The following PDE1A variants were observed in gnomAD, a reference collection of about 807,000 sequenced individuals.
PDE1A encodes the protein phosphodiesterase 1A.
A neutral mutation model predicts 61.7 loss-of-function variants in PDE1A; 35 were observed. The ratio of observed to expected loss-of-function variants is 0.57; its 90% confidence interval spans 0.43 to 0.75. The LOEUF is 0.75. Ranked by LOEUF, PDE1A falls within the 30% of genes least tolerant of loss-of-function variation. The pLI, the probability that PDE1A is intolerant of heterozygous loss-of-function variation, is 0.00. For missense variants in PDE1A, 597 were observed against 630.6 expected (o/e 0.95, Z 0.57); for synonymous variants, 232 against 213.2 (o/e 1.09, Z -0.77).
At chr2:182,469,612 C>A (rs940843632) in intron 2 of PDE1A, among the ~76,000 whole-genome samples, 3 of 151,940 alleles carry the variant, frequency 2.0e-5, no homozygotes, top group Non-Finnish European at 2.9e-5. Flanking sequence ...TTTTAATTTT[C>A]ATCAATACTT....
Position 182,209,497 on chromosome 2 carries a change from G to A in PDE1A, c.777-3432C>T, listed in dbSNP as rs182841190. ...TACAATTCAACATGAGATTTGGGTG[G>A]GGGACACAGAGCCAAGCATATTATT... On this transcript the variant is annotated intron_variant, in intron 7 of 13. Transcript: ENST00000351439. Among the ~76,000 whole-genome samples the A allele has an allele frequency of 3.7e-3, 554 of 151,052 alleles. 9 individuals are homozygous for A. The highest frequency in any genetic ancestry group is 0.013 in the African/African-American group (537 of 41,266).
chr2:182,701,098 G>T, the PDE1A span, among the ~76,000 whole-genome samples: 2 of 149,376 alleles, frequency 1.3e-5, no homozygotes, highest in Admixed American at 1.3e-4. Flanking sequence ...GCAGTGGCGC[G>T]ATCTCAGCTC....
chr2:182,538,868 G>A, the PDE1A span, among the ~76,000 whole-genome samples: 19 of 152,188 alleles, frequency 1.2e-4, no homozygotes, highest in African/African-American at 4.3e-4. Flanking sequence ...TAAGCCTACA[G>A]TAGTAATGAG....
chr2:182,716,488 G>T, the PDE1A span: 8 of 152,674 alleles, frequency 5.2e-5, no homozygotes, highest in East Asian at 1.2e-3. Flanking sequence ...GGCAAGGTGG[G>T]CATGGGCCCG....
chr2:182,601,787 C>A, the PDE1A span, among the ~76,000 whole-genome samples: 4 of 152,184 alleles, frequency 2.6e-5, no homozygotes, highest in Non-Finnish European at 2.9e-5. Context: ...AGAGTAGAGA[C>A]CCTGGAGTGG....
chr2:182,168,457 A>G (rs753973067), intron 13 of PDE1A, among the ~76,000 whole-genome samples: 2 of 152,134 alleles, frequency 1.3e-5, no homozygotes, highest in Non-Finnish European at 2.9e-5. Flanking sequence ...TTTTTAATAT[A>G]CTTTGCTTTT....
chr2:182,599,348 A>T, the PDE1A span, among the ~76,000 whole-genome samples: 3 of 152,134 alleles, frequency 2.0e-5, no homozygotes, highest in African/African-American at 7.2e-5. Flanking sequence ...GCCTTAGGGT[A>T]GTCTTTTTCT....
the PDE1A span, among the ~76,000 whole-genome samples, chr2:182,631,429 A>G: frequency 2.0e-5 from 3 of 152,192 alleles, no homozygotes; most frequent in African/African-American, 7.2e-5. Flanking sequence ...ATCTCGCATT[A>G]GGTAATCAGG....
intron 2 of PDE1A, among the ~76,000 whole-genome samples, chr2:182,441,198 GGT>G (rs1192945875): frequency 6.6e-6 from 1 of 151,884 alleles, no homozygotes; most frequent in Non-Finnish European, 1.5e-5. Flanking sequence ...GAACTGTATG[GGT>G]GAAACCACCC....
downstream of PDE1A, among the ~76,000 whole-genome samples, chr2:182,146,852 A>G (rs1690522835): frequency 6.6e-6 from 1 of 152,206 alleles, no homozygotes; most frequent in Non-Finnish European, 1.5e-5. Context: ...TGATTAACAA[A>G]TTAAGAACTA....
intron 1 of PDE1A, among the ~76,000 whole-genome samples, chr2:182,348,836 C>T (rs922548863): frequency 2.0e-5 from 3 of 151,596 alleles, no homozygotes; most frequent in Non-Finnish European, 2.9e-5. Flanking sequence ...TCAAATTGTT[C>T]TGTACTTTCC....
At chr2:182,552,442 T>G in the PDE1A span, among the ~76,000 whole-genome samples, 3 of 144,772 alleles carry the variant, frequency 2.1e-5, no homozygotes, top group Non-Finnish European at 4.6e-5. Flanking sequence ...ACACAAAGTT[T>G]TTTTTTTTTT....
chr2:182,218,060 A>G (rs1206434785), intron 7 of PDE1A, among the ~76,000 whole-genome samples: 1 of 149,048 alleles, frequency 6.7e-6, no homozygotes, highest in East Asian at 2.0e-4. Context: ...AAAATGTGGC[A>G]CATATACACC....
chr2:182,167,979 C>T (rs1691750651), exon 14 of PDE1A: 2 of 1,197,400 alleles, frequency 1.7e-6, no homozygotes, highest in South Asian at 4.3e-5. Context: ...AAGACAAATG[C>T]CACAAAATGC....
chr2:182,396,090 T>C (rs1200571522), intron 1 of PDE1A, among the ~76,000 whole-genome samples: 2 of 152,216 alleles, frequency 1.3e-5, no homozygotes, highest in Admixed American at 6.5e-5. Context: ...CAAATGCCCA[T>C]GGTCTCCACT....
the PDE1A span, among the ~76,000 whole-genome samples, chr2:182,552,700 A>G: frequency 6.6e-6 from 1 of 152,166 alleles, no homozygotes; most frequent in African/African-American, 2.4e-5. Context: ...GAAATAGCCA[A>G]TCATCTATTG....
chr2:182,178,847 G>A (rs759916663), intron 13 of PDE1A, among the ~76,000 whole-genome samples: 9 of 152,038 alleles, frequency 5.9e-5, no homozygotes, highest in South Asian at 2.1e-4. Flanking sequence ...GGGGCCTGCC[G>A]TGGGAAAGCA....
chr2:182,370,203 GA>G (rs895746184), intron 1 of PDE1A, among the ~76,000 whole-genome samples: 1 of 151,472 alleles, frequency 6.6e-6, no homozygotes, highest in African/African-American at 2.4e-5. Context: ...AAAAAGAAAA[GA>G]AAAAAAGAAA....
At chr2:182,281,336 G>T (rs1693791055) in intron 1 of PDE1A, among the ~76,000 whole-genome samples, 1 of 151,914 alleles carries the variant, frequency 6.6e-6, no homozygotes, top group South Asian at 2.1e-4. Flanking sequence ...ACGTTATAAT[G>T]AGTGCTTTGT....
Sources: gnomAD v4.1 joint callset for allele counts (sites outside exome capture counted in the v4.1 genomes callset) on GRCh38, gnomAD v4.1.1 for gene constraint, MANE v1.5 for transcripts, NCBI Gene and HGNC (gene_info 2026-07-23, HGNC 2026-07-21) for gene names.